The following TRAK1 variants were observed in gnomAD, a reference collection of about 807,000 sequenced individuals.
The protein encoded by TRAK1 is trafficking kinesin-binding protein 1.
A neutral mutation model predicts 92.1 loss-of-function variants in TRAK1; 33 were observed. The ratio of observed to expected loss-of-function variants is 0.36; its 90% confidence interval spans 0.27 to 0.48. The LOEUF (loss-of-function observed/expected upper bound fraction) is 0.48, where lower values mean the gene tolerates loss of function less well. Among genes scored for constraint, TRAK1 ranks in the 20% least tolerant of loss-of-function variants. TRAK1 has a pLI of 0.99. For synonymous variants in TRAK1, 521 were observed against 517.3 expected (o/e 1.01, Z -0.10); for missense variants, 1,123 against 1,257.9 (o/e 0.89, Z 1.62).
chr3:42,064,052 A>G lies in TRAK1; in HGVS notation c.-518-23052A>G, dbSNP rs536277145. ...AGAGAGAGGCCCAGTCATCCCTTTC[A>G]GAGCACTAGAGATGGGAGGGAACCC... is the stretch of plus-strand genomic sequence containing the variant. On this transcript the variant is annotated intron_variant, in intron 1 of 16. Coordinates refer to the TRAK1 transcript ENST00000487159. 2.0e-5 allele frequency among the ~76,000 whole-genome samples: 3 copies of G among 152,348 alleles called. No individual in the cohort carries two copies. In the South Asian group the frequency reaches 6.2e-4, roughly 32 times the overall value.
chr3:42,071,573 T>G (rs1703931826), intron 1 of TRAK1, among the ~76,000 whole-genome samples: 1 of 151,720 alleles, frequency 6.6e-6, no homozygotes, highest in South Asian at 2.1e-4. Flanking sequence ...CTGGTTTTGG[T>G]GGTGGGCGCC....
At chr3:42,160,310 C>T (rs1701108535) in intron 2 of TRAK1, 3 of 1,604,354 alleles carry the variant, frequency 1.9e-6, no homozygotes, top group Non-Finnish European at 2.6e-6. Context: ...TCGGGGGCAC[C>T]CCCAAGGATG....
At chr3:42,156,504 A>G (rs1382626980) in intron 2 of TRAK1, among the ~76,000 whole-genome samples, 2 of 152,234 alleles carry the variant, frequency 1.3e-5, no homozygotes, top group Admixed American at 1.3e-4. Flanking sequence ...CAAAATAAAT[A>G]ATAGTAGTCA....
intron 2 of TRAK1, among the ~76,000 whole-genome samples, chr3:42,152,069 A>G (rs1823363): frequency 0.51 from 77,908 of 152,110 alleles, 22,300 homozygotes; most frequent in East Asian, 0.94. Flanking sequence ...AGTTGGAATT[A>G]AGGGATAGCT....
At chr3:42,137,054 G>A (rs1287988888) in intron 2 of TRAK1, among the ~76,000 whole-genome samples, 1 of 151,640 alleles carries the variant, frequency 6.6e-6, no homozygotes, top group African/African-American at 2.4e-5. Flanking sequence ...GACTAACATA[G>A]TAACCACCAC....
At chr3:42,161,228 C>A (rs769801042) in intron 2 of TRAK1, among the ~76,000 whole-genome samples, 4 of 152,194 alleles carry the variant, frequency 2.6e-5, no homozygotes, top group African/African-American at 4.8e-5. Context: ...AGGGCTTTCA[C>A]CCACAGCCCA....
intron 2 of TRAK1, among the ~76,000 whole-genome samples, chr3:42,169,640 C>T (rs1052492020): frequency 1.3e-5 from 2 of 148,758 alleles, no homozygotes; most frequent in Non-Finnish European, 3.0e-5. Context: ...CATTGCACTC[C>T]AGCCTGAGCA....
chr3:42,160,238 C>G, intron 2 of TRAK1: 1 of 1,506,832 alleles, frequency 6.6e-7, no homozygotes, highest in Non-Finnish European at 8.9e-7. Flanking sequence ...GTCTGCGGCC[C>G]AGGCCAGGGC....
intron 1 of TRAK1, among the ~76,000 whole-genome samples, chr3:42,023,169 A>AAAC (rs1559703597): frequency 6.6e-6 from 1 of 151,542 alleles, no homozygotes. Flanking sequence ...AAAAAAAAAA[A>AAAC]AAAAACAACA....
In TRAK1 at chr3:42,013,907, GGAGCGCCA is replaced by G. The variant is rs1217578036; in HGVS notation, c.-723_-716del. On this transcript the variant is annotated 5_prime_UTR_variant, in exon 1 of 17. Transcript: ENST00000487159. This position sits in a 1 kb window ranked among gnomAD's most constrained non-coding sequence, Gnocchi z 5.1. ...CTCGGAACCCCGGACTCCGAGCCCAGGAGCGCCAGAGCGGCAGGCGGGCAGCAGGAGGC... is the reference window on the plus strand; with the variant it reads ...CTCGGAACCCCGGACTCCGAGCCCAGGAGCGGCAGGCGGGCAGCAGGAGGC... The G allele has an allele frequency of 6.6e-6, 1 of 150,594 alleles. No individual in the cohort carries two copies. The highest frequency in any genetic ancestry group is 2.4e-5 in the African/African-American group (1 of 41,222). The allele number at this position is 150,594 out of a possible 1,614,324, so 9.3% of individuals were successfully genotyped here.
chr3:42,158,891 G>A (rs1458496977), intron 2 of TRAK1, among the ~76,000 whole-genome samples: 4 of 150,288 alleles, frequency 2.7e-5, no homozygotes, highest in South Asian at 2.1e-4. Context: ...CCCGGGAGGC[G>A]GAGCTTGCAG....
chr3:42,081,033 C>T (rs1704408312), intron 1 of TRAK1, among the ~76,000 whole-genome samples: 1 of 152,058 alleles, frequency 6.6e-6, no homozygotes, highest in Non-Finnish European at 1.5e-5. Context: ...TGCCACCAAT[C>T]CTGGTCAATT....
At chr3:42,217,505 T>C (rs9820074) in intron 14 of TRAK1, 97,173 of 985,170 alleles carry the variant, frequency 0.099, 8,564 homozygotes, top group African/African-American at 0.44. Context: ...CTCTAAAATG[T>C]CCATCTTACA....
At position 42,067,594 on chromosome 3, in the gene TRAK1, A is replaced by ATT. The variant is rs535838089; in HGVS notation, c.-518-19498_-518-19497dup. On this transcript the variant is annotated intron_variant, in intron 1 of 16. Transcript: ENST00000487159. ...AGTTCCCCTTTAGTGCTTAGATGAG[A>ATT]TTTTTTTTTTTTTCAGGCTTTGTAA... 8.2e-5 allele frequency among the ~76,000 whole-genome samples: 12 copies of ATT among 145,810 alleles called. No individual in the cohort carries two copies. In the East Asian group the frequency reaches 2.4e-3, roughly 29 times the overall value.
At chr3:42,184,870 A>G in intron 4 of TRAK1, 69 bp downstream of exon 4, 1 of 1,439,946 alleles carries the variant, frequency 6.9e-7, no homozygotes, top group Non-Finnish European at 9.7e-7. Context: ...GCATGGCTGA[A>G]GGAGATGAGA....
chr3:42,142,500 G>A (rs1192365420), intron 2 of TRAK1, among the ~76,000 whole-genome samples: 2 of 152,190 alleles, frequency 1.3e-5, no homozygotes, highest in Non-Finnish European at 2.9e-5. Flanking sequence ...GGCTGATCCT[G>A]CTCCTACCCG....
intron 1 of TRAK1, among the ~76,000 whole-genome samples, chr3:42,029,121 A>G (rs1474998605): frequency 2.6e-5 from 4 of 152,106 alleles, no homozygotes; most frequent in African/African-American, 9.7e-5. Flanking sequence ...CACACTTTTA[A>G]ACAGTACCAA....
Position 42,202,594 on chromosome 3 carries a change from A to T in TRAK1, c.1586A>T (p.Glu529Val). 1 of 1,591,036 alleles carries T rather than the reference A, an allele frequency of 6.3e-7. No homozygotes were observed. Among genetic ancestry groups the T allele is most frequent in the Middle Eastern group, 1.7e-4 (1 of 5,994 alleles). The change falls in exon 13 of 16, where the codon GAG becomes GTG. Residue 529 changes from glutamate to valine, a missense_variant. This residue lies in a region of TRAK1 where 686 missense variants were observed against 747.6 expected (regional missense o/e 0.92). Transcript: ENST00000327628. This position sits in a 1 kb window ranked among gnomAD's most constrained non-coding sequence, Gnocchi z 6.1. ...GAGAGGAAGCTCCAGGAGCTGGCGG[A>T]GAAGGGCGAGCTGCGCAGCGGCTCC... ...EQERKLQELA[E>V]KGELRSGSLT... is the part of the protein sequence containing the mutation.
At chr3:42,112,250 A>T (rs1410057012) in intron 1 of TRAK1, among the ~76,000 whole-genome samples, 6 of 142,366 alleles carry the variant, frequency 4.2e-5, no homozygotes, top group Admixed American at 7.7e-5. Context: ...CAAGAGTTCG[A>T]TACTAGCCTG....
Sources: allele counts gnomAD v4.1 joint callset (sites outside exome capture counted in the v4.1 genomes callset), GRCh38; gene constraint gnomAD v4.1.1; regional missense constraint gnomAD v4.1.1; non-coding constraint Gnocchi (gnomAD v3.1); transcripts MANE v1.5; gene names NCBI Gene and HGNC (gene_info 2026-07-23, HGNC 2026-07-21).